Variants in ACCSL observed in about 807,000 individuals in gnomAD.
The protein encoded by ACCSL is probable inactive 1-aminocyclopropane-1-carboxylate synthase-like protein 2.
In ACCSL, 55 loss-of-function variants were observed where a neutral mutation model predicts 61.7. The observed-to-expected ratio is 0.89, with a 90% CI of 0.72 to 1.12. ACCSL has a LOEUF of 1.12. ACCSL is among the 50% of genes most tolerant of loss of function. The pLI is 0.00. For synonymous variants in ACCSL, 258 were observed against 264.3 expected, an observed-to-expected ratio of 0.98 and a Z score of 0.23; for missense variants, 632 against 698.0, an observed-to-expected ratio of 0.91 and a Z score of 1.07.
chr11:43,964,835 T>TAA, the ACCSL span, among the ~76,000 whole-genome samples: 68 of 151,834 alleles, frequency 4.5e-4, no homozygotes, highest in African/African-American at 1.5e-3. Flanking sequence ...CAACAAAGGG[T>TAA]AAAAAAACAC....
intron 11 of ACCSL, among the ~76,000 whole-genome samples, chr11:44,057,144 C>T (rs921291351): frequency 2.6e-5 from 4 of 152,170 alleles, no homozygotes; most frequent in East Asian, 1.9e-4. Flanking sequence ...CTAGATTCAT[C>T]GTCCCCTTGC....
chr11:44,050,840 CTTT>C (rs66464203), intron 3 of ACCSL, among the ~76,000 whole-genome samples: 10 of 126,756 alleles, frequency 7.9e-5, no homozygotes, highest in Admixed American at 8.0e-5. Context: ...GGCCTGAGTT[CTTT>C]TTTTTTTTTT....
Position 44,048,045 on chromosome 11 carries a change from TCGGTCAGACACCCTTCCTGTGCCCTC to T in ACCSL, c.10_35del (p.Arg4TrpfsTer50). ...GTAAAGATACCCGGAGTATGAGTCATCGGTCAGACACCCTTCCTGTGCCCTCTGGTCAGAGGAGAGGCCGGGTCCCC... is the reference window on the plus strand; with the variant it reads ...GTAAAGATACCCGGAGTATGAGTCATTGGTCAGAGGAGAGGCCGGGTCCCC... On this transcript the variant is annotated frameshift_variant, in exon 1 of 14. Transcript: ENST00000378832. LOFTEE classifies it high-confidence loss of function. 6.2e-7 allele frequency: 1 copy of T among 1,608,480 alleles called. No homozygotes were observed. The highest frequency in any genetic ancestry group is 8.5e-7 in the Non-Finnish European group (1 of 1,175,338).
chr11:43,969,147 G>C, the ACCSL span, among the ~76,000 whole-genome samples: 3 of 152,004 alleles, frequency 2.0e-5, no homozygotes, highest in African/African-American at 7.2e-5. Context: ...TCAGAAGTTC[G>C]AGCCCAGCCT....
At chr11:44,052,806 T>G (rs1309340389) in intron 6 of ACCSL, 47 bp downstream of exon 6, 1 of 1,570,258 alleles carries the variant, frequency 6.4e-7, no homozygotes, top group East Asian at 2.2e-5. Context: ...GACAATGGAC[T>G]GTTCTGGGGA....
the ACCSL span, among the ~76,000 whole-genome samples, chr11:44,020,851 T>C: frequency 1.3e-5 from 2 of 152,060 alleles, no homozygotes; most frequent in Non-Finnish European, 2.9e-5. Flanking sequence ...ATAGCTTAGC[T>C]CCCACTTACA....
At chr11:43,932,637 G>A in the ACCSL span, among the ~76,000 whole-genome samples, 188 of 152,294 alleles carry the variant, frequency 1.2e-3, 2 homozygotes, top group South Asian at 5.4e-3. Flanking sequence ...TGCTGTTTGC[G>A]TGCCCTCATG....
At chr11:44,030,405 T>C in the ACCSL span, among the ~76,000 whole-genome samples, 1 of 148,962 alleles carries the variant, frequency 6.7e-6, no homozygotes, top group African/African-American at 2.5e-5. Context: ...CCTCCATCCC[T>C]CCCCGCCTAT....
the ACCSL span, among the ~76,000 whole-genome samples, chr11:43,921,373 C>A: frequency 3.0e-4 from 45 of 152,186 alleles, no homozygotes; most frequent in African/African-American, 1.0e-3. Flanking sequence ...AAACAAAAAA[C>A]AAACAAACAA....
chr11:44,055,762 G>A (rs1952667331), intron 9 of ACCSL, among the ~76,000 whole-genome samples: 1 of 152,256 alleles, frequency 6.6e-6, no homozygotes. Context: ...AGAGCCAACT[G>A]CCAGGAAAGT....
the ACCSL span, among the ~76,000 whole-genome samples, chr11:43,968,665 C>T: frequency 6.6e-6 from 1 of 152,144 alleles, no homozygotes; most frequent in African/African-American, 2.4e-5. Context: ...ACTGACAGCC[C>T]ATCTGGGATT....
the ACCSL span, among the ~76,000 whole-genome samples, chr11:43,993,372 C>T: frequency 6.6e-6 from 1 of 152,110 alleles, no homozygotes; most frequent in Non-Finnish European, 1.5e-5. Context: ...TTTGTAGCCA[C>T]AGGATTCAGA....
At chr11:43,973,126 T>A in the ACCSL span, among the ~76,000 whole-genome samples, 1 of 152,188 alleles carries the variant, frequency 6.6e-6, no homozygotes, top group South Asian at 2.1e-4. Context: ...CCATCCAAAG[T>A]GATGCTGATG....
rs753910761 is a variant in ACCSL at position 44,051,678 on chromosome 11, C to G, written c.731C>G (p.Ser244Cys). 2 of 1,614,216 alleles carry G rather than the reference C, an allele frequency of 1.2e-6. No individual in the cohort carries two copies. The highest frequency in any genetic ancestry group is 1.7e-6 in the Non-Finnish European group (2 of 1,180,052). The change falls in exon 5 of 14, where the codon TCT becomes TGT. Residue 244 changes from serine to cysteine, a missense_variant. Physicochemically the swap from Ser to Cys is moderately radical, Grantham distance 112 (BLOSUM62 -1). Coordinates refer to ENST00000378832, the MANE Select transcript of ACCSL (RefSeq NM_001031854.2). ...ENVVVLNGCC[S>C]VFCALAMVLC... ...GTGGTGGTTCTAAATGGCTGCTGCT[C>G]TGTCTTCTGTGCCCTGGCCATGGTT...
the ACCSL span, among the ~76,000 whole-genome samples, chr11:44,030,637 G>A: frequency 1.3e-5 from 2 of 152,022 alleles, no homozygotes; most frequent in South Asian, 4.2e-4. Flanking sequence ...TTTTGTTGTT[G>A]ATGTATTGTT....
rs755716895 is a variant in ACCSL, at chr11:44,050,627, G to A, written c.635+5G>A. ...TGATTGGAGAGGGCAGCCATTGTAA[G>A]TGACCTTCAGATTTAGAGTCTCTTG... On this transcript the variant is annotated splice_donor_5th_base_variant and intron_variant, in intron 3 of 13. Transcript: ENST00000378832. The A allele has an allele frequency of 6.2e-7, 1 of 1,613,762 alleles. No individual in the cohort carries two copies. Among genetic ancestry groups the A allele is most frequent in the South Asian group, 1.1e-5 (1 of 91,032 alleles).
At chr11:43,981,091 G>A in the ACCSL span, among the ~76,000 whole-genome samples, 14 of 131,132 alleles carry the variant, frequency 1.1e-4, no homozygotes, top group African/African-American at 3.7e-4. Context: ...ACAAGATGGG[G>A]CAGGAAAACA....
chr11:43,970,291 G>A, the ACCSL span, among the ~76,000 whole-genome samples: 2 of 151,964 alleles, frequency 1.3e-5, no homozygotes, highest in Admixed American at 1.3e-4. Flanking sequence ...CTGCAGCCTC[G>A]ACCTCCTGGG....
the ACCSL span, among the ~76,000 whole-genome samples, chr11:43,923,241 G>A: frequency 5.3e-5 from 8 of 152,332 alleles, no homozygotes; most frequent in South Asian, 6.2e-4. Flanking sequence ...GACAAACGAC[G>A]GGTTCCTGCC....
Sources: allele counts gnomAD v4.1 joint callset (sites outside exome capture counted in the v4.1 genomes callset), GRCh38; gene constraint gnomAD v4.1.1; transcripts MANE v1.5; gene names NCBI Gene and HGNC (gene_info 2026-07-23, HGNC 2026-07-21).